The following CCDC3 variants were observed in gnomAD, a reference collection of about 807,000 sequenced individuals.
CCDC3 encodes the protein coiled-coil domain containing 3, also known as coiled-coil domain-containing protein 3.
A neutral mutation model predicts 21.4 loss-of-function variants in CCDC3; 24 were observed. That is an observed-to-expected ratio of 1.12 (90% CI 0.81 to 1.58). The LOEUF is 1.58. CCDC3 is among the 40% of genes most tolerant of loss of function. The pLI is 0.00. For missense variants in CCDC3, 425 were observed against 360.9 expected, an observed-to-expected ratio of 1.18 and a Z score of -1.44; for synonymous variants, 186 against 166.0, an observed-to-expected ratio of 1.12 and a Z score of -0.93.
chr10:13,037,773 C>T (rs1353351399), intron 5 of CCDC3, among the ~76,000 whole-genome samples: 1 of 152,154 alleles, frequency 6.6e-6, no homozygotes, highest in Non-Finnish European at 1.5e-5. Flanking sequence ...AGTTTGAGAC[C>T]AGCCTGGACA....
At chr10:12,987,706 G>A (rs2131277368) in intron 2 of CCDC3, among the ~76,000 whole-genome samples, 1 of 152,274 alleles carries the variant, frequency 6.6e-6, no homozygotes, top group Middle Eastern at 3.4e-3. Context: ...ATATTTTGCA[G>A]CACAAAGCAT....
intron 2 of CCDC3, among the ~76,000 whole-genome samples, chr10:12,908,293 T>C (rs1311056076): frequency 6.6e-6 from 1 of 152,242 alleles, no homozygotes; most frequent in African/African-American, 2.4e-5. Context: ...TAACACTTAG[T>C]ATCAGCTGTG....
At chr10:12,924,839 C>A (rs1834509208) in intron 2 of CCDC3, 1 of 152,178 alleles carries the variant, frequency 6.6e-6, no homozygotes, top group Non-Finnish European at 1.5e-5. Context: ...TTGTGAGAAT[C>A]TCCAAATATG....
At chr10:12,995,157 A>T (rs1412271099) in intron 2 of CCDC3, among the ~76,000 whole-genome samples, 1 of 152,212 alleles carries the variant, frequency 6.6e-6, no homozygotes, top group Non-Finnish European at 1.5e-5. Context: ...GGTATGTAAA[A>T]ATATCTTAGG....
chr10:13,004,163 G>A (rs978772817), upstream of CCDC3, among the ~76,000 whole-genome samples: 4 of 152,128 alleles, frequency 2.6e-5, no homozygotes, highest in African/African-American at 7.2e-5. Flanking sequence ...CTGTGGGGTG[G>A]ATAGTACCGT....
chr10:13,085,729 G>A (rs1451691125), intron 3 of CCDC3, among the ~76,000 whole-genome samples: 1 of 152,186 alleles, frequency 6.6e-6, no homozygotes, highest in Non-Finnish European at 1.5e-5. Context: ...CACTTTGGGA[G>A]GCCAAGGTGG....
chr10:12,974,345 G>C (rs563624095), intron 2 of CCDC3, among the ~76,000 whole-genome samples: 83 of 152,348 alleles, frequency 5.4e-4, no homozygotes, highest in African/African-American at 1.8e-3. Flanking sequence ...GCCTGGTGCA[G>C]GCCAGAGGTT....
At chr10:12,906,549 G>T (rs1031401560) in intron 2 of CCDC3, among the ~76,000 whole-genome samples, 5 of 152,120 alleles carry the variant, frequency 3.3e-5, no homozygotes, top group Admixed American at 6.5e-5. Flanking sequence ...TTGGACTCAG[G>T]TAACTCTGGG....
At chr10:13,014,621 A>T (rs1298165731) in intron 5 of CCDC3, among the ~76,000 whole-genome samples, 2 of 152,050 alleles carry the variant, frequency 1.3e-5, no homozygotes, top group East Asian at 1.9e-4. Flanking sequence ...TACTATATCA[A>T]AGCTATTTCC....
At chr10:13,015,927 T>C (rs182969161) in intron 5 of CCDC3, among the ~76,000 whole-genome samples, 2 of 152,142 alleles carry the variant, frequency 1.3e-5, no homozygotes, top group Admixed American at 6.5e-5. Context: ...GAATTGTTCA[T>C]TTAAGAATAA....
chr10:13,050,935 C>T (rs1836598302), intron 4 of CCDC3, among the ~76,000 whole-genome samples: 1 of 151,994 alleles, frequency 6.6e-6, no homozygotes, highest in Non-Finnish European at 1.5e-5. Flanking sequence ...TACAGGTGCA[C>T]TCCACCACAC....
intron 4 of CCDC3, among the ~76,000 whole-genome samples, chr10:13,051,430 C>T (rs1836606478): frequency 6.6e-6 from 1 of 152,174 alleles, no homozygotes; most frequent in Admixed American, 6.5e-5. Context: ...CAACTGTCAG[C>T]TTCAATTGTT....
chr10:12,938,296 C>T lies in CCDC3; in HGVS notation c.550-39617G>A, dbSNP rs79257074. On this transcript the variant is annotated intron_variant, in intron 2 of 2. Coordinates refer to ENST00000378825, the MANE Select transcript of CCDC3 (RefSeq NM_031455.4). The stretch of plus-strand genomic sequence containing the variant: ...CACTGCTGGCTTTCTGATCACCAGT[C>T]CACACGTTCAATACTTTTAGCCCCC... Among the ~76,000 whole-genome samples the T allele has an allele frequency of 4.9e-3, 741 of 152,174 alleles. 5 individuals are homozygous for T. The highest frequency in any genetic ancestry group is 0.017 in the African/African-American group (700 of 41,542).
At chr10:12,932,369 C>G (rs752242879) in intron 2 of CCDC3, among the ~76,000 whole-genome samples, 3 of 152,138 alleles carry the variant, frequency 2.0e-5, no homozygotes, top group Non-Finnish European at 4.4e-5. Flanking sequence ...ACAAAATAAT[C>G]TAACACAAAG....
At chr10:13,041,620 G>A (rs1295957755) in intron 5 of CCDC3, among the ~76,000 whole-genome samples, 2 of 137,090 alleles carry the variant, frequency 1.5e-5, no homozygotes, top group East Asian at 4.6e-4. Context: ...CCACCTCCCA[G>A]TTCAAGTGAT....
upstream of CCDC3, among the ~76,000 whole-genome samples, chr10:13,005,550 C>G (rs1319365132): frequency 1.3e-5 from 2 of 152,214 alleles, no homozygotes; most frequent in Non-Finnish European, 2.9e-5. Flanking sequence ...CTACCACAGC[C>G]TAGTAGCAAG....
intron 2 of CCDC3, among the ~76,000 whole-genome samples, chr10:12,939,454 C>G (rs1834786070): frequency 6.6e-6 from 1 of 152,208 alleles, no homozygotes; most frequent in Admixed American, 6.5e-5. Context: ...ACAAACCCAT[C>G]TCTACTGAAA....
intron 3 of CCDC3, among the ~76,000 whole-genome samples, chr10:13,078,735 C>T (rs2131445286): frequency 6.6e-6 from 1 of 152,208 alleles, no homozygotes; most frequent in East Asian, 1.9e-4. Context: ...CTGGAAACCA[C>T]CATTCTGAGC....
intron 2 of CCDC3, among the ~76,000 whole-genome samples, chr10:12,963,902 A>G (rs1835218386): frequency 6.6e-6 from 1 of 152,066 alleles, no homozygotes; most frequent in Admixed American, 6.6e-5. Flanking sequence ...GTTTTCTTAA[A>G]GTTGCACTGT....
Sources: allele counts gnomAD v4.1 joint callset (sites outside exome capture counted in the v4.1 genomes callset), GRCh38; gene constraint gnomAD v4.1.1; transcripts MANE v1.5; gene names NCBI Gene and HGNC (gene_info 2026-07-23, HGNC 2026-07-21).